The following TENM4 variants were observed in gnomAD, a reference collection of about 807,000 sequenced individuals.
TENM4 encodes the protein teneurin transmembrane protein 4.
In TENM4, 82 loss-of-function variants were observed where a neutral mutation model predicts 243.3. The ratio of observed to expected loss-of-function variants is 0.34; its 90% CI spans 0.28 to 0.40. TENM4 has a LOEUF of 0.40. Ranked by LOEUF, TENM4 falls within the 10% of genes least tolerant of loss-of-function variation. The pLI is 1.00. For synonymous variants in TENM4, 1,412 were observed against 1,456.3 expected (o/e 0.97, Z 0.69); for missense variants, 3,138 against 3,673.3 (o/e 0.85, Z 3.77).
At chr11:78,855,546 C>A (rs1306216088) in intron 11 of TENM4, among the ~76,000 whole-genome samples, 2 of 152,176 alleles carry the variant, frequency 1.3e-5, no homozygotes, top group African/African-American at 4.8e-5. Flanking sequence ...AACAGCCCTG[C>A]CAAGTGGGTA....
In TENM4 at chr11:78,669,289, A is replaced by G. The variant is rs764317561; in HGVS notation, c.7056T>C (p.Ser2352=). Residue 2352 remains serine, a synonymous_variant, in exon 32 of 34, where the codon AGT becomes AGC. Transcript: ENST00000278550. The surrounding 1 kb of genome is among the most constrained non-coding windows in gnomAD (Gnocchi z 6.4). The stretch of plus-strand genomic sequence containing the variant: ...CACAAGCTATGTAAAACTCATCACC[A>G]CTGCTCAGCTCCATGGCAAAGAGGT... ...QGHLFAMELS[S]GDEFYIACDN... The G allele has an allele frequency of 3.1e-6, 5 of 1,614,026 alleles. No homozygotes were observed. The highest frequency in any genetic ancestry group is 1.1e-5 in the South Asian group (1 of 91,074).
At chr11:78,708,242 C>A in intron 27 of TENM4, 119 bp downstream of exon 27, 2 of 1,362,654 alleles carry the variant, frequency 1.5e-6, no homozygotes, top group Non-Finnish European at 2.0e-6. Context: ...AGCCTGGCAC[C>A]AAGTAGGTGC....
intron 1 of TENM4, among the ~76,000 whole-genome samples, chr11:79,339,073 G>C (rs1475542866): frequency 6.6e-6 from 1 of 152,176 alleles, no homozygotes; most frequent in Non-Finnish European, 1.5e-5. Context: ...CTGAGTGCCA[G>C]GAAGATCCAG....
In TENM4 at chr11:79,315,434, C is replaced by T. The variant is rs980829242; in HGVS notation, c.-320-17891G>A. Among the ~76,000 whole-genome samples the T allele has an allele frequency of 3.3e-5, 5 of 152,224 alleles. No individual in the cohort carries two copies. The South Asian group carries it at 6.2e-4, about 19-fold the overall frequency. On this transcript the variant is annotated intron_variant, in intron 1 of 33. Transcript: ENST00000278550. ...TTTGCTTCCTCATCAACTGTTGCCACATGTCTTGCAGAGAGGTCAAACACA... is the reference window on the plus strand; with the variant it reads ...TTTGCTTCCTCATCAACTGTTGCCATATGTCTTGCAGAGAGGTCAAACACA...
intron 6 of TENM4, among the ~76,000 whole-genome samples, chr11:79,002,672 AC>A (rs1858363875): frequency 6.6e-6 from 1 of 152,240 alleles, no homozygotes; most frequent in South Asian, 2.1e-4. Flanking sequence ...AACTTGAAAG[AC>A]TGAAGGAACA....
At chr11:79,185,744 G>C (rs1863370071) in intron 3 of TENM4, among the ~76,000 whole-genome samples, 1 of 152,078 alleles carries the variant, frequency 6.6e-6, no homozygotes, top group African/African-American at 2.4e-5. Flanking sequence ...ATAAACCTTA[G>C]CAGTCCTTAG....
At chr11:79,379,570 T>G (rs1406466053) in intron 1 of TENM4, among the ~76,000 whole-genome samples, 1 of 152,198 alleles carries the variant, frequency 6.6e-6, no homozygotes, top group African/African-American at 2.4e-5. Flanking sequence ...TGAGTGCTGC[T>G]TGGCACTGTA....
chr11:78,969,136 C>T (rs1485438024), intron 6 of TENM4, among the ~76,000 whole-genome samples: 2 of 152,202 alleles, frequency 1.3e-5, no homozygotes, highest in African/African-American at 2.4e-5. Flanking sequence ...ATATTGATTT[C>T]GTCTGCCATC....
chr11:79,035,199 C>T (rs1316160784), intron 6 of TENM4, among the ~76,000 whole-genome samples: 11 of 152,302 alleles, frequency 7.2e-5, no homozygotes, highest in South Asian at 6.2e-4. Context: ...AGTTCCTTGA[C>T]CTCCCCAGCC....
At chr11:78,740,676 C>A (rs1181136218) in intron 19 of TENM4, among the ~76,000 whole-genome samples, 1 of 152,324 alleles carries the variant, frequency 6.6e-6, no homozygotes, top group Non-Finnish European at 1.5e-5. Context: ...GATCTCATCT[C>A]CTGACGCTGG....
intron 33 of TENM4, among the ~76,000 whole-genome samples, chr11:78,659,440 G>A (rs1253688681): frequency 1.3e-5 from 2 of 152,090 alleles, no homozygotes; most frequent in Non-Finnish European, 2.9e-5. Flanking sequence ...AGGGCTGCTG[G>A]AGAAGGAAGG....
chr11:78,775,305 G>T (rs57412573), intron 17 of TENM4, among the ~76,000 whole-genome samples: 11,063 of 152,226 alleles, frequency 0.073, 1,376 homozygotes, highest in African/African-American at 0.25. Context: ...AGTCCATGCT[G>T]CTCTGAGGCT....
chr11:78,809,667 T>G (rs1360249182), intron 14 of TENM4, among the ~76,000 whole-genome samples: 1 of 151,794 alleles, frequency 6.6e-6, no homozygotes, highest in Non-Finnish European at 1.5e-5. Context: ...GATGAAGGAG[T>G]AGGAGCAATG....
chr11:78,937,155 T>A (rs1361783768), intron 6 of TENM4, among the ~76,000 whole-genome samples: 1 of 152,132 alleles, frequency 6.6e-6, no homozygotes, highest in Non-Finnish European at 1.5e-5. Context: ...GGAAGGGCAG[T>A]GATCCTGGAG....
In TENM4 at chr11:78,840,418, C is replaced by G. The variant is rs1033949474; in HGVS notation, c.1681+13686G>C. Among the ~76,000 whole-genome samples the G allele has an allele frequency of 2.0e-5, 3 of 152,110 alleles. No individual in the cohort carries two copies. In the East Asian group the frequency reaches 5.8e-4, roughly 29 times the overall value. On this transcript the variant is annotated intron_variant, in intron 12 of 33. Transcript: ENST00000278550. The stretch of plus-strand genomic sequence containing the variant: ...CTTTTAGCCGAGAACATGAGCATTG[C>G]TTAGATAAAGGCATGAACAAGCAGC...
Position 78,985,257 on chromosome 11 carries a change from A to AT in TENM4, c.493+79480dup, listed in dbSNP as rs545811022. On this transcript the variant is annotated intron_variant, in intron 6 of 33. Coordinates refer to ENST00000278550, the MANE Select transcript of TENM4 (RefSeq NM_001098816.3). The stretch of plus-strand genomic sequence containing the variant: ...TATTTGATGTACACATGCCATACAG[A>AT]TTTTTTTTTTTGATCATACTGGAAT... Among the ~76,000 whole-genome samples the AT allele has an allele frequency of 9.9e-4, 148 of 149,004 alleles. 1 individual carries two copies. The highest frequency in any genetic ancestry group is 6.9e-3 in the Middle Eastern group (2 of 288).
chr11:78,982,340 C>T (rs1857817760), intron 6 of TENM4, among the ~76,000 whole-genome samples: 1 of 152,198 alleles, frequency 6.6e-6, no homozygotes, highest in Non-Finnish European at 1.5e-5. Flanking sequence ...TCCAGGTCCA[C>T]TCGCGGCTGT....
chr11:79,099,104 C>G (rs1861156947), intron 4 of TENM4, among the ~76,000 whole-genome samples: 1 of 152,140 alleles, frequency 6.6e-6, no homozygotes, highest in Non-Finnish European at 1.5e-5. Flanking sequence ...AGAGATGTTC[C>G]TGCCACAAGG....
At chr11:78,707,495 T>C (rs1006811817) in intron 27 of TENM4, among the ~76,000 whole-genome samples, 2 of 152,266 alleles carry the variant, frequency 1.3e-5, no homozygotes, top group Non-Finnish European at 2.9e-5. Flanking sequence ...ACCATGCTTC[T>C]TGTTTTAACT....
Sources: allele counts gnomAD v4.1 joint callset (sites outside exome capture counted in the v4.1 genomes callset), GRCh38; gene constraint gnomAD v4.1.1; non-coding constraint Gnocchi (gnomAD v3.1); transcripts MANE v1.5; gene names NCBI Gene and HGNC (gene_info 2026-07-23, HGNC 2026-07-21).